The following WWOX variants were observed in gnomAD, a reference collection of about 807,000 sequenced individuals.
The protein encoded by WWOX is WW domain-containing oxidoreductase.
WWOX carries 69 observed loss-of-function variants against 46.2 expected under a neutral mutation model. The observed-to-expected ratio is 1.49, with a 90% CI of 1.23 to 1.82. The LOEUF is 1.82. Ranked by LOEUF, WWOX falls within the 40% of genes most tolerant of loss-of-function variation. The pLI is 0.00. For synonymous variants in WWOX, 359 were observed against 202.6 expected (o/e 1.77, Z -6.56); for missense variants, 919 against 542.6 (o/e 1.69, Z -6.89).
intron 8 of WWOX, chr16:79,203,248 T>G (rs1261986097): frequency 6.6e-6 from 1 of 152,190 alleles, no homozygotes; most frequent in Non-Finnish European, 1.5e-5. Context: ...CTCTCCACAG[T>G]ATGTTCTAAA....
intron 8 of WWOX, among the ~76,000 whole-genome samples, chr16:79,108,140 A>G (rs1204954039): frequency 6.6e-6 from 1 of 152,244 alleles, no homozygotes; most frequent in African/African-American, 2.4e-5. Flanking sequence ...CTAAATTCAT[A>G]AAATAGGCAC....
At chr16:78,524,839 AGAAT>A (rs1262357286) in intron 8 of WWOX, among the ~76,000 whole-genome samples, 2 of 147,468 alleles carry the variant, frequency 1.4e-5, no homozygotes, top group Non-Finnish European at 3.0e-5. Context: ...TTTTTTTTAA[AGAAT>A]GCGTTGATTT....
At chr16:78,827,292 G>A (rs1056841772) in intron 8 of WWOX, among the ~76,000 whole-genome samples, 4 of 152,142 alleles carry the variant, frequency 2.6e-5, no homozygotes, top group African/African-American at 7.2e-5. Flanking sequence ...AGAGCTTCAC[G>A]CAGATGACAT....
chr16:78,778,873 C>T (rs1252404893), intron 8 of WWOX, among the ~76,000 whole-genome samples: 1 of 152,158 alleles, frequency 6.6e-6, no homozygotes, highest in East Asian at 1.9e-4. Context: ...CCCACATTGA[C>T]CCAGCAGTGT....
At chr16:78,146,857 G>A (rs1023241033) in intron 4 of WWOX, among the ~76,000 whole-genome samples, 3 of 152,176 alleles carry the variant, frequency 2.0e-5, no homozygotes, top group African/African-American at 4.8e-5. Flanking sequence ...AAAGAAGTGA[G>A]GTAAAGAGTA....
chr16:78,174,978 ACT>A (rs1413264219), intron 5 of WWOX, among the ~76,000 whole-genome samples: 4 of 144,876 alleles, frequency 2.8e-5, no homozygotes, highest in Non-Finnish European at 4.5e-5. Context: ...ACAGAGCAAG[ACT>A]CTGTCTCAAA....
intron 5 of WWOX, among the ~76,000 whole-genome samples, chr16:78,213,162 G>T (rs2036611527): frequency 6.7e-6 from 1 of 150,048 alleles, no homozygotes; most frequent in East Asian, 2.0e-4. Flanking sequence ...GAGGCACAAG[G>T]ATTGCTTGAA....
chr16:78,872,708 C>G (rs1013796877), intron 8 of WWOX: 1 of 152,132 alleles, frequency 6.6e-6, no homozygotes, highest in South Asian at 2.1e-4. Context: ...CCACTCCCTG[C>G]GTTTCTCTTT....
At chr16:78,595,863 T>C (rs1433893923) in intron 8 of WWOX, among the ~76,000 whole-genome samples, 1 of 152,272 alleles carries the variant, frequency 6.6e-6, no homozygotes, top group East Asian at 1.9e-4. Flanking sequence ...GTATTCACCT[T>C]TCTGTGCAAC....
intron 8 of WWOX, among the ~76,000 whole-genome samples, chr16:78,957,831 G>A (rs1187875253): frequency 6.6e-6 from 1 of 152,184 alleles, no homozygotes; most frequent in African/African-American, 2.4e-5. Flanking sequence ...TGGTGCGGCT[G>A]GCCCACTTGT....
chr16:78,708,420 T>G (rs1466946678), intron 8 of WWOX, among the ~76,000 whole-genome samples: 1 of 152,192 alleles, frequency 6.6e-6, no homozygotes, highest in Non-Finnish European at 1.5e-5. Context: ...TCTTTTTGTT[T>G]CTGCCCTGCT....
chr16:78,919,762 G>A (rs543132311), intron 8 of WWOX, among the ~76,000 whole-genome samples: 7 of 152,068 alleles, frequency 4.6e-5, no homozygotes, highest in East Asian at 1.9e-4. Context: ...TGATCCACTC[G>A]CCTTGGCCTC....
chr16:78,811,761 C>T (rs904844372), intron 8 of WWOX, among the ~76,000 whole-genome samples: 1 of 152,020 alleles, frequency 6.6e-6, no homozygotes, highest in African/African-American at 2.4e-5. Flanking sequence ...CTCCAGGGTC[C>T]CACACCCAGA....
rs144298327 is a variant in WWOX at position 78,968,286 on chromosome 16, G to A, written c.1057-243322G>A. ...GACTATCCAGAAACTGTGCCCCATA[G>A]TCCTACCCGTAGGAATCCAACAGGG... On this transcript the variant is annotated intron_variant, in intron 8 of 8. Coordinates refer to ENST00000566780, the MANE Select transcript of WWOX (RefSeq NM_016373.4). 5.4e-4 allele frequency among the ~76,000 whole-genome samples: 82 copies of A among 152,350 alleles called. 1 individual carries two copies. The East Asian group carries it at 0.014, about 27-fold the overall frequency.
At chr16:78,847,975 C>T (rs868471049) in intron 8 of WWOX, among the ~76,000 whole-genome samples, 3 of 152,084 alleles carry the variant, frequency 2.0e-5, no homozygotes, top group African/African-American at 2.4e-5. Context: ...GCATGGTGGC[C>T]ACATAAAGGG....
At chr16:78,638,436 TG>T (rs1597380782) in intron 8 of WWOX, among the ~76,000 whole-genome samples, 1 of 152,136 alleles carries the variant, frequency 6.6e-6, no homozygotes, top group African/African-American at 2.4e-5. Flanking sequence ...ATTTTTTTTT[TG>T]TTTCCTCTGC....
At chr16:78,874,951 G>A (rs1054518850) in intron 8 of WWOX, among the ~76,000 whole-genome samples, 12 of 152,112 alleles carry the variant, frequency 7.9e-5, no homozygotes, top group South Asian at 2.1e-4. Context: ...AACCAGGAAG[G>A]CCTGCCCCCA....
chr16:78,240,777 G>C (rs535174760), intron 5 of WWOX, among the ~76,000 whole-genome samples: 3 of 152,332 alleles, frequency 2.0e-5, no homozygotes, highest in Admixed American at 1.3e-4. Context: ...GGGCCAGGCA[G>C]GTATTGCAGG....
chr16:78,731,072 T>C lies in WWOX; in HGVS notation c.1056+298320T>C, dbSNP rs533988453. 1.6e-4 allele frequency among the ~76,000 whole-genome samples: 25 copies of C among 152,266 alleles called. No homozygotes were observed. The South Asian group carries it at 2.5e-3, about 15-fold the overall frequency. On this transcript the variant is annotated intron_variant, in intron 8 of 8. Coordinates refer to ENST00000566780, the MANE Select transcript of WWOX (RefSeq NM_016373.4). ...AGTGTTGATTTAAGAAAATGTTGAT[T>C]TTATTTGATGTCATGGGTGGGAAAT...
Sources: allele counts gnomAD v4.1 joint callset (sites outside exome capture counted in the v4.1 genomes callset), GRCh38; gene constraint gnomAD v4.1.1; transcripts MANE v1.5; gene names NCBI Gene and HGNC (gene_info 2026-07-23, HGNC 2026-07-21).